Variants in ARPP21 observed in about 807,000 individuals in gnomAD.
ARPP21 encodes cAMP regulated phosphoprotein 21.
Under a neutral mutation model 113.2 loss-of-function variants are expected in ARPP21, and 69 were observed. The ratio of observed to expected loss-of-function variants is 0.61; its 90% CI spans 0.50 to 0.74. ARPP21 has a LOEUF of 0.74. Ranked by LOEUF, ARPP21 falls within the 30% of genes least tolerant of loss-of-function variation. The pLI is 0.00. For missense variants in ARPP21, 1,070 were observed against 1,037.4 expected (o/e 1.03, Z -0.43); for synonymous variants, 368 against 375.5 (o/e 0.98, Z 0.23).
chr3:35,674,826 T>C (rs984966694), intron 1 of ARPP21, among the ~76,000 whole-genome samples: 2 of 151,938 alleles, frequency 1.3e-5, no homozygotes, highest in African/African-American at 2.4e-5. Context: ...TCAGGACATT[T>C]CTGTGCAGTA....
At chr3:35,748,618 T>C (rs537181940) in intron 19 of ARPP21, among the ~76,000 whole-genome samples, 1 of 152,322 alleles carries the variant, frequency 6.6e-6, no homozygotes, top group South Asian at 2.1e-4. Flanking sequence ...GAGAATATCT[T>C]AACTGGAAAC....
intron 13 of ARPP21, among the ~76,000 whole-genome samples, chr3:35,718,736 A>G (rs1485818840): frequency 6.6e-6 from 1 of 152,150 alleles, no homozygotes; most frequent in East Asian, 1.9e-4. Context: ...GAAAATAAAT[A>G]TTTTCAGTTA....
intron 1 of ARPP21, among the ~76,000 whole-genome samples, chr3:35,676,429 T>C (rs2077491040): frequency 6.6e-6 from 1 of 152,082 alleles, no homozygotes; most frequent in African/African-American, 2.4e-5. Context: ...AACAAGGATG[T>C]TCATTAAAAC....
chr3:35,793,295 G>T (rs1559985017), intron 20 of ARPP21, among the ~76,000 whole-genome samples: 1 of 152,140 alleles, frequency 6.6e-6, no homozygotes, highest in Non-Finnish European at 1.5e-5. Flanking sequence ...AGGCCACTTT[G>T]CATAAAATCA....
chr3:35,764,877 C>CTTTTTTTTTTTTTTTTTTTTTTTTTTTT (rs2095905000), intron 19 of ARPP21, among the ~76,000 whole-genome samples: 1 of 152,054 alleles, frequency 6.6e-6, no homozygotes, highest in Admixed American at 6.6e-5. Flanking sequence ...ATTTTACATT[C>CTTTTTTTTTTTTTTTTTTTTTTTTTTTT]TTATTGAGTG....
chr3:35,789,536 A>C (rs1006570490), intron 19 of ARPP21, among the ~76,000 whole-genome samples: 1 of 151,192 alleles, frequency 6.6e-6, no homozygotes, highest in Non-Finnish European at 1.5e-5. Flanking sequence ...TAGAGTATTC[A>C]CTCCCCACAT....
At chr3:35,662,962 G>A (rs1708487045) in intron 1 of ARPP21, among the ~76,000 whole-genome samples, 1 of 152,120 alleles carries the variant, frequency 6.6e-6, no homozygotes, top group South Asian at 2.1e-4. Flanking sequence ...TTGATTAAAG[G>A]GTACAAACAT....
In ARPP21 at chr3:35,792,445, CTCAGAG is replaced by C; in HGVS notation, c.2207_2212del (p.Ser736_Gln737del). The C allele has an allele frequency of 6.2e-7, 1 of 1,613,914 alleles. No individual in the cohort carries two copies. ...GGCCTAATAGGAGTGCAGCAGCCAC[CTCAGAG>C]TCAGAACGTGATAAATAACCAACAA... On this transcript the variant is annotated inframe_deletion, in exon 20 of 21. Coordinates refer to ENST00000684406, the MANE Select transcript of ARPP21 (RefSeq NM_001385562.1).
At chr3:35,730,632 G>A (rs889001780) in intron 15 of ARPP21, among the ~76,000 whole-genome samples, 6 of 152,150 alleles carry the variant, frequency 3.9e-5, no homozygotes, top group African/African-American at 9.7e-5. Context: ...GTTTGGTTTC[G>A]ATCCTTCCAG....
At chr3:35,668,017 G>GAAGAAGAAGAAGAAGAAGAAGAAA in intron 1 of ARPP21, among the ~76,000 whole-genome samples, 1 of 149,588 alleles carries the variant, frequency 6.7e-6, no homozygotes, top group East Asian at 2.0e-4. Context: ...AGAAGAAGAA[G>GAAGAAGAAGAAGAAGAAGAAGAAA]AAGAAGAAGA....
chr3:35,745,852 T>C (rs531852556), intron 19 of ARPP21, among the ~76,000 whole-genome samples: 1 of 152,308 alleles, frequency 6.6e-6, no homozygotes, highest in East Asian at 1.9e-4. Context: ...CTACATTCCA[T>C]GGCAACCTGG....
intron 19 of ARPP21, among the ~76,000 whole-genome samples, chr3:35,772,501 C>A (rs188729954): frequency 5.0e-4 from 76 of 152,280 alleles, no homozygotes; most frequent in South Asian, 4.6e-3. Context: ...GTTTGCTGAA[C>A]AATTGGTTGG....
intron 9 of ARPP21, among the ~76,000 whole-genome samples, chr3:35,706,296 T>TA (rs888555054): frequency 6.6e-6 from 1 of 152,036 alleles, no homozygotes; most frequent in Non-Finnish European, 1.5e-5. Flanking sequence ...TAAAAAGACC[T>TA]AAAAAAAATC....
At chr3:35,689,208 T>C (rs2081516040) in intron 6 of ARPP21, 99 bp from the exon 7 acceptor site, 1 of 706,516 alleles carries the variant, frequency 1.4e-6, no homozygotes, top group African/African-American at 1.8e-5. Flanking sequence ...TCACCTAAAA[T>C]TTATCTGAGC....
intron 15 of ARPP21, among the ~76,000 whole-genome samples, chr3:35,735,360 AC>A (rs1441440411): frequency 2.6e-5 from 4 of 151,806 alleles, no homozygotes; most frequent in African/African-American, 9.7e-5. Flanking sequence ...CAATCTACCC[AC>A]CTTGACCTCC....
intron 9 of ARPP21, among the ~76,000 whole-genome samples, chr3:35,705,137 A>G (rs1220830451): frequency 6.6e-6 from 1 of 152,116 alleles, no homozygotes; most frequent in African/African-American, 2.4e-5. Context: ...CCAAAATAGC[A>G]TTGATACAAT....
chr3:35,763,300 T>G (rs1211416323), intron 19 of ARPP21, among the ~76,000 whole-genome samples: 1 of 152,128 alleles, frequency 6.6e-6, no homozygotes. Flanking sequence ...ACTGGGCTGT[T>G]GATAGAAGGT....
intron 5 of ARPP21, among the ~76,000 whole-genome samples, chr3:35,687,195 T>C (rs1408202647): frequency 6.6e-6 from 1 of 151,412 alleles, no homozygotes; most frequent in Non-Finnish European, 1.5e-5. Context: ...TATAGTCTGC[T>C]TTTTCATAGT....
chr3:35,752,365 G>A (rs2095431971), intron 19 of ARPP21, among the ~76,000 whole-genome samples: 1 of 152,142 alleles, frequency 6.6e-6, no homozygotes, highest in East Asian at 1.9e-4. Context: ...GTGAAGAATT[G>A]TGAAGTTGGA....
Sources: gnomAD v4.1 joint callset for allele counts (sites outside exome capture counted in the v4.1 genomes callset) on GRCh38, gnomAD v4.1.1 for gene constraint, MANE v1.5 for transcripts, NCBI Gene and HGNC (gene_info 2026-07-23, HGNC 2026-07-21) for gene names.